The following PLD1 variants were observed in gnomAD, a reference collection of about 807,000 sequenced individuals.
The protein encoded by PLD1 is choline phosphatase 1.
Under a neutral mutation model 137.1 loss-of-function variants are expected in PLD1, and 112 were observed. That is an observed-to-expected ratio of 0.82 (90% confidence interval 0.70 to 0.96). PLD1 has a LOEUF of 0.96. Among genes scored for constraint, PLD1 ranks in the 40% least tolerant of loss-of-function variants. The pLI is 0.00. For synonymous variants in PLD1, 431 were observed against 454.7 expected, an observed-to-expected ratio of 0.95 and a Z score of 0.66; for missense variants, 1,321 against 1,342.0, an observed-to-expected ratio of 0.98 and a Z score of 0.24.
chr3:171,613,614 T>C (rs1732861226), intron 24 of PLD1, among the ~76,000 whole-genome samples: 1 of 152,244 alleles, frequency 6.6e-6, no homozygotes, highest in Admixed American at 6.5e-5. Context: ...ATAGCTTCTG[T>C]AGCAACTTTC....
In PLD1 at chr3:171,609,580, T is replaced by C. The variant is rs915931497; in HGVS notation, c.2882+2699A>G. The stretch of plus-strand genomic sequence containing the variant: ...CCAGAGAAAACTACTCAGCCATAAA[T>C]AAGAATGAAATCATGTATTTTGTAG... On this transcript the variant is annotated intron_variant, in intron 25 of 26. Transcript: ENST00000351298. Among the ~76,000 whole-genome samples the C allele has an allele frequency of 2.4e-4, 34 of 142,566 alleles. 1 individual carries two copies. The highest frequency in any genetic ancestry group is 8.7e-4 in the African/African-American group (33 of 37,922). 93.5% of individuals were successfully genotyped at this position (142,566 alleles called of 152,430 possible).
At chr3:171,754,160 T>G (rs1720855378) in intron 1 of PLD1, among the ~76,000 whole-genome samples, 1 of 152,152 alleles carries the variant, frequency 6.6e-6, no homozygotes, top group African/African-American at 2.4e-5. Context: ...AAGACTGAGT[T>G]TTCTGAAGGG....
At chr3:171,666,210 T>C (rs888018479) in intron 19 of PLD1, 1 of 152,298 alleles carries the variant, frequency 6.6e-6, no homozygotes, top group Admixed American at 6.5e-5. Flanking sequence ...AATAAAGACC[T>C]ACCAGAGACT....
At chr3:171,745,889 G>A (rs970139266) in intron 1 of PLD1, among the ~76,000 whole-genome samples, 9 of 152,054 alleles carry the variant, frequency 5.9e-5, no homozygotes, top group Non-Finnish European at 1.3e-4. Context: ...GAGGTGTGGA[G>A]GGAGAGACGC....
chr3:171,614,293 A>T (rs1208877071), intron 24 of PLD1, among the ~76,000 whole-genome samples: 1 of 152,200 alleles, frequency 6.6e-6, no homozygotes, highest in Non-Finnish European at 1.5e-5. Context: ...TCCTTTATAC[A>T]TAGACTTACA....
At chr3:171,614,749 G>A (rs1732955523) in intron 24 of PLD1, among the ~76,000 whole-genome samples, 1 of 152,238 alleles carries the variant, frequency 6.6e-6, no homozygotes, top group South Asian at 2.1e-4. Flanking sequence ...GGCGGGGGCT[G>A]CTGGATTGAA....
rs1731773742 is a variant in PLD1, at chr3:171,600,601, C to T, written c.*2477G>A. The T allele has an allele frequency of 1.3e-5, 2 of 149,912 alleles. No homozygotes were observed. Among genetic ancestry groups the T allele is most frequent in the African/African-American group, 2.5e-5 (1 of 40,790 alleles). 9.3% of individuals were successfully genotyped at this position (149,912 alleles called of 1,614,324 possible). On this transcript the variant is annotated 3_prime_UTR_variant, in exon 27 of 27. Transcript: ENST00000351298. ...TGACAGGTAATTAAGTCATACAGTA[C>T]ATCTTGTGTCCACATTTCATGCAAT...
intron 16 of PLD1, 91 bp downstream of exon 16, chr3:171,686,594 A>C: frequency 1.4e-6 from 1 of 708,564 alleles, no homozygotes; most frequent in South Asian, 1.9e-5. Flanking sequence ...ACAGAAAGCC[A>C]ATCTGGAAAC....
chr3:171,754,506 C>T (rs4446237), intron 1 of PLD1, among the ~76,000 whole-genome samples: 79,159 of 151,900 alleles, frequency 0.52, 21,758 homozygotes, highest in African/African-American at 0.7. Context: ...CTTTTTCCAT[C>T]TCCTGTAAGT....
At chr3:171,764,878 A>AGGAAG (rs1491270656) in intron 1 of PLD1, among the ~76,000 whole-genome samples, 6 of 21,250 alleles carry the variant, frequency 2.8e-4, no homozygotes, top group Non-Finnish European at 3.1e-4. Context: ...AAAGAAAGAA[A>AGGAAG]GAAAGAAAGA....
intron 25 of PLD1, among the ~76,000 whole-genome samples, chr3:171,610,567 C>G (rs1732569822): frequency 6.6e-6 from 1 of 152,110 alleles, no homozygotes; most frequent in Non-Finnish European, 1.5e-5. Flanking sequence ...ATAATTATTA[C>G]ACATTTAAAA....
chr3:171,632,627 C>T (rs1734768169), intron 23 of PLD1, among the ~76,000 whole-genome samples: 1 of 151,938 alleles, frequency 6.6e-6, no homozygotes, highest in Non-Finnish European at 1.5e-5. Context: ...ATGAATGTAT[C>T]TTTCTATTGA....
chr3:171,783,213 T>C (rs370412504), intron 1 of PLD1, among the ~76,000 whole-genome samples: 36 of 152,024 alleles, frequency 2.4e-4, no homozygotes, highest in Non-Finnish European at 2.1e-4. Context: ...TGAGTATCAG[T>C]GGAGGCAGGG....
chr3:171,688,904 A>G, intron 13 of PLD1, 28 bp from the exon 14 acceptor site: 1 of 1,556,090 alleles, frequency 6.4e-7, no homozygotes, highest in Non-Finnish European at 8.9e-7. Flanking sequence ...CCCACTGATA[A>G]TATGCTTTTG....
chr3:171,650,180 G>C (rs1736605343), intron 21 of PLD1, among the ~76,000 whole-genome samples: 1 of 152,088 alleles, frequency 6.6e-6, no homozygotes, highest in African/African-American at 2.4e-5. Context: ...CAGGAGTGTA[G>C]AGAAATAAGA....
chr3:171,769,701 A>G (rs1393384216), intron 1 of PLD1, among the ~76,000 whole-genome samples: 1 of 152,228 alleles, frequency 6.6e-6, no homozygotes, highest in African/African-American at 2.4e-5. Context: ...CTTAGCACTG[A>G]TGGGGAAAGG....
intron 1 of PLD1, among the ~76,000 whole-genome samples, chr3:171,807,037 GTAGCTCATGCC>G (rs1723875284): frequency 6.6e-6 from 1 of 152,116 alleles, no homozygotes; most frequent in East Asian, 1.9e-4. Context: ...GCTGGGTATG[GTAGCTCATGCC>G]TGTAATCCAG....
chr3:171,719,506 T>C (rs954784890), intron 8 of PLD1, among the ~76,000 whole-genome samples: 1 of 152,118 alleles, frequency 6.6e-6, no homozygotes, highest in Admixed American at 6.5e-5. Flanking sequence ...TTCCAGAGAG[T>C]AAATAAAACC....
chr3:171,751,562 C>T (rs1720660727), intron 1 of PLD1, among the ~76,000 whole-genome samples: 1 of 152,136 alleles, frequency 6.6e-6, no homozygotes, highest in Admixed American at 6.5e-5. Flanking sequence ...TCAACCTTTC[C>T]AGTAATCAGG....
Sources: allele counts gnomAD v4.1 joint callset (sites outside exome capture counted in the v4.1 genomes callset), GRCh38; gene constraint gnomAD v4.1.1; transcripts MANE v1.5; gene names NCBI Gene and HGNC (gene_info 2026-07-23, HGNC 2026-07-21).